The following DGKE variants were observed in gnomAD, a reference collection of about 807,000 sequenced individuals.
The protein encoded by DGKE is diacylglycerol kinase epsilon.
In DGKE, 53 loss-of-function variants were observed where a neutral mutation model predicts 70.0. The observed-to-expected ratio is 0.76, with a 90% confidence interval of 0.61 to 0.95. The LOEUF (loss-of-function observed/expected upper bound fraction) is 0.95, where lower values mean the gene tolerates loss of function less well. Among genes scored for constraint, DGKE ranks in the 40% least tolerant of loss-of-function variants. DGKE has a pLI of 0.00. For missense variants in DGKE, 655 were observed against 706.9 expected, an observed-to-expected ratio of 0.93 and a Z score of 0.83; for synonymous variants, 291 against 257.0, an observed-to-expected ratio of 1.13 and a Z score of -1.27.
rs772637651 is a variant in DGKE, at chr17:56,835,027, G to A, written c.232G>A (p.Ala78Thr). The A allele has an allele frequency of 3.1e-6, 5 of 1,612,750 alleles. No homozygotes were observed. The South Asian group carries it at 5.5e-5, about 18-fold the overall frequency. ...CCAGCCCACCTACTGCTGCGTGTGC[G>A]CGCAGCACATTCTGCAGGGCGCCTT... ...FSQPTYCCVC[A>T]QHILQGAFCD... is the part of the protein sequence containing the mutation. The change falls in exon 2 of 12, where the codon GCG becomes ACG. Residue 78 changes from alanine to threonine, a missense_variant. Ala to Thr is a moderately conservative substitution (Grantham distance 58). Transcript: ENST00000284061.
Position 56,862,937 on chromosome 17 carries a change from C to G in DGKE, c.*146C>G, listed in dbSNP as rs962520326. On this transcript the variant is annotated 3_prime_UTR_variant, in exon 12 of 12. Transcript: ENST00000284061. Reference sequence around the variant, plus strand: ...GGGTATACATTTTTGTAAATAGCATCCCCAAACCAGCCAGCCTTCAGTTAT... The same window carrying G: ...GGGTATACATTTTTGTAAATAGCATGCCCAAACCAGCCAGCCTTCAGTTAT... 5.3e-6 allele frequency: 3 copies of G among 563,166 alleles called. No individual in the cohort carries two copies. The highest frequency in any genetic ancestry group is 8.1e-6 in the Non-Finnish European group (3 of 371,202). The allele number at this position is 563,166 out of a possible 1,614,324, so 34.9% of individuals were successfully genotyped here.
chr17:56,839,140 G>A (rs1906809442), intron 2 of DGKE, among the ~76,000 whole-genome samples: 1 of 152,034 alleles, frequency 6.6e-6, no homozygotes, highest in Non-Finnish European at 1.5e-5. Flanking sequence ...TGAAGGGTGA[G>A]ATCTCATACT....
intron 2 of DGKE, chr17:56,835,931 C>T (rs529287979): frequency 1.3e-5 from 2 of 152,212 alleles, no homozygotes; most frequent in African/African-American, 4.8e-5. Context: ...TGAAGATGTC[C>T]TTTGCTGATG....
At chr17:56,848,924 T>C (rs532074531) in intron 6 of DGKE, 71 bp downstream of exon 6, 5 of 1,592,154 alleles carry the variant, frequency 3.1e-6, no homozygotes, top group South Asian at 1.1e-5. Flanking sequence ...TGAAGACTTG[T>C]GTAGATGAAA....
chr17:56,843,902 G>A, intron 2 of DGKE, 117 bp from the exon 3 acceptor site: 1 of 977,174 alleles, frequency 1.0e-6, no homozygotes. Flanking sequence ...TTTGCCAAAT[G>A]TTATGGTAAG....
intron 8 of DGKE, among the ~76,000 whole-genome samples, chr17:56,857,792 AGGCCGCGCATGGT>A (rs1345885503): frequency 6.6e-5 from 10 of 152,116 alleles, no homozygotes; most frequent in African/African-American, 2.4e-4. Flanking sequence ...AATCACTTCT[AGGCCGCGCATGGT>A]GGCTCACGCC....
At chr17:56,858,693 A>T (rs1263585731) in intron 9 of DGKE, 28 bp downstream of exon 9, 25 of 1,517,966 alleles carry the variant, frequency 1.6e-5, no homozygotes, top group Non-Finnish European at 2.2e-5. Context: ...TTTATTTTTT[A>T]AAGTTTTAGG....
At position 56,834,842 on chromosome 17, in the gene DGKE, T is replaced by C. The variant is rs775145361; in HGVS notation, c.47T>C (p.Leu16Pro). The change falls in exon 2 of 12, where the codon CTG (leucine) becomes CCG (proline). Residue 16 changes from leucine (L) to proline (P), a missense_variant. Transcript: ENST00000284061. The stretch of plus-strand genomic sequence containing the variant: ...GCGCCGGGCTCGCCCTCCGAGGGCC[T>C]GTTTGCGGACGGGCACCTGATCTTG... ...RPAPGSPSEG[L>P]FADGHLILWT... 19 of 1,610,816 alleles carry C rather than the reference T, an allele frequency of 1.2e-5. No homozygotes were observed. The highest frequency in any genetic ancestry group is 1.4e-5 in the Non-Finnish European group (17 of 1,178,768).
Position 56,844,137 on chromosome 17 carries a change from A to G in DGKE, c.583A>G (p.Ile195Val), listed in dbSNP as rs967017280. Residue 195 changes from isoleucine to valine, a missense_variant, in exon 3 of 12, where the codon ATT (isoleucine) becomes GTT (valine). Physicochemically the swap from Ile to Val is conservative, Grantham distance 29 (BLOSUM62 3). Coordinates refer to ENST00000284061, the MANE Select transcript of DGKE (RefSeq NM_003647.3). ...LIIPPSYLTS[I>V]NQMRKDKKTD... ...CATTCCACCAAGTTATTTAACATCC[A>G]TTAATCAGATGCGTAAAGACAAAAA... 5.1e-6 allele frequency: 8 copies of G among 1,567,354 alleles called. No homozygotes were observed. The highest frequency in any genetic ancestry group is 6.0e-6 in the Non-Finnish European group (7 of 1,161,278).
intron 10 of DGKE, 59 bp from the exon 11 acceptor site, chr17:56,862,081 C>G (rs1366914839): frequency 1.3e-6 from 2 of 1,585,024 alleles, no homozygotes; most frequent in African/African-American, 2.7e-5. Flanking sequence ...AGTAATTGCT[C>G]TAGCATAACT....
At chr17:56,854,307 G>A (rs918699153) in intron 7 of DGKE, among the ~76,000 whole-genome samples, 1 of 151,722 alleles carries the variant, frequency 6.6e-6, no homozygotes, top group African/African-American at 2.4e-5. Flanking sequence ...GAGGTTTTTT[G>A]TTTTTGTTTT....
intron 7 of DGKE, among the ~76,000 whole-genome samples, chr17:56,854,284 A>C (rs186322260): frequency 8.6e-4 from 131 of 152,194 alleles, no homozygotes; most frequent in Non-Finnish European, 1.6e-3. Context: ...CATATTTTCA[A>C]ATTGCTAAAA....
Position 56,835,213 on chromosome 17 carries a change from GT to G in DGKE, c.421del (p.Cys141AlafsTer28). 6.2e-7 allele frequency: 1 copy of G among 1,613,828 alleles called. No individual in the cohort carries two copies. The highest frequency in any genetic ancestry group is 2.2e-5 in the East Asian group (1 of 44,890). ...CGTGCCCCTGTGCAGTTACTGTATG[GT>G]TTGCAAGCAGCAGTGTGGCTGTCAA... ...GNVPLCSYCM[V>X]CKQQCGCQPK... is the part of the protein sequence containing the mutation. On this transcript the variant is annotated frameshift_variant, in exon 2 of 12. Coordinates refer to ENST00000284061, the MANE Select transcript of DGKE (RefSeq NM_003647.3). LOFTEE classifies it high-confidence loss of function.
chr17:56,859,024 C>A (rs1364302873), intron 9 of DGKE, among the ~76,000 whole-genome samples: 1 of 152,126 alleles, frequency 6.6e-6, no homozygotes, highest in East Asian at 1.9e-4. Flanking sequence ...TCCATTCATA[C>A]ATGATAAATA....
chr17:56,842,453 T>TA (rs1246987770), intron 2 of DGKE, among the ~76,000 whole-genome samples: 1 of 152,242 alleles, frequency 6.6e-6, no homozygotes, highest in African/African-American at 2.4e-5. Context: ...TTGATGGTGA[T>TA]ATACTATTTT....
At chr17:56,836,844 A>G (rs1906652816) in intron 2 of DGKE, among the ~76,000 whole-genome samples, 1 of 152,156 alleles carries the variant, frequency 6.6e-6, no homozygotes, top group Non-Finnish European at 1.5e-5. Flanking sequence ...TTTCCTTAAA[A>G]CGTCAGGCAT....
chr17:56,848,120 A>ATATG, intron 5 of DGKE, 55 bp downstream of exon 5: 2 of 648,790 alleles, frequency 3.1e-6, no homozygotes, highest in Non-Finnish European at 3.7e-6. Flanking sequence ...TATACTATAC[A>ATATG]TATATATATA....
At chr17:56,842,642 C>T (rs1598022730) in intron 2 of DGKE, among the ~76,000 whole-genome samples, 2 of 152,344 alleles carry the variant, frequency 1.3e-5, no homozygotes, top group East Asian at 3.9e-4. Context: ...CTCGAGTATA[C>T]AGCACTAAGT....
chr17:56,862,147 G>A lies in DGKE; in HGVS notation c.1420G>A (p.Asp474Asn), dbSNP rs781303676. The change falls in exon 11 of 12, where the codon GAT (aspartate) becomes AAT (asparagine). Residue 474 changes from aspartate to asparagine, a missense_variant. By Grantham distance (23) the Asp-to-Asn change is conservative (BLOSUM62 1). Transcript: ENST00000284061. ...DETYPLARHD[D>N]GLLEVVGVYG... is the part of the protein sequence containing the mutation. The stretch of plus-strand genomic sequence containing the variant: ...TTCTTTTTCCAATTTTAGGCATGAC[G>A]ATGGTCTGCTGGAAGTCGTTGGAGT... 1.2e-6 allele frequency: 2 copies of A among 1,613,924 alleles called. No individual in the cohort carries two copies. Among genetic ancestry groups the A allele is most frequent in the South Asian group, 1.1e-5 (1 of 91,058 alleles).
Sources: gnomAD v4.1 joint callset for allele counts (sites outside exome capture counted in the v4.1 genomes callset) on GRCh38, gnomAD v4.1.1 for gene constraint, MANE v1.5 for transcripts, NCBI Gene and HGNC (gene_info 2026-07-23, HGNC 2026-07-21) for gene names.